The following TSHZ2 variants were observed in gnomAD, a reference collection of about 807,000 sequenced individuals.
TSHZ2 encodes teashirt homolog 2.
TSHZ2 carries 21 observed loss-of-function variants against 74.4 expected under a neutral mutation model. The ratio of observed to expected loss-of-function variants is 0.28; its 90% CI spans 0.20 to 0.41. The LOEUF is 0.41. Among genes scored for constraint, TSHZ2 ranks in the 10% least tolerant of loss-of-function variants. The probability of loss-of-function intolerance (pLI) is 1.00; values close to 1 mark genes in which losing one functional copy is unlikely to be tolerated. For synonymous variants in TSHZ2, 540 were observed against 515.3 expected (o/e 1.05, Z -0.65); for missense variants, 1,244 against 1,293.5 (o/e 0.96, Z 0.59).
intron 2 of TSHZ2, among the ~76,000 whole-genome samples, chr20:53,408,784 T>C (rs1982938437): frequency 6.6e-6 from 1 of 152,238 alleles, no homozygotes; most frequent in African/African-American, 2.4e-5. Flanking sequence ...TTAAGCTGCT[T>C]CCAAACGTAT....
Position 53,056,257 on chromosome 20 carries a change from AG to A in TSHZ2, c.40+82925del, listed in dbSNP as rs1227593447. ...GGTCCTAAGGATCCTGCTGCTTTTC[AG>A]TACTACAGGGAATATCAGGCCAAGT... On this transcript the variant is annotated intron_variant, in intron 1 of 2. Transcript: ENST00000371497. Among the ~76,000 whole-genome samples, 3 of 152,108 alleles carry A rather than the reference AG, an allele frequency of 2.0e-5. No individual in the cohort carries two copies. The East Asian group carries it at 5.8e-4, about 29-fold the overall frequency.
At chr20:53,381,237 C>G (rs59618696) in intron 2 of TSHZ2, among the ~76,000 whole-genome samples, 4,891 of 152,256 alleles carry the variant, frequency 0.032, 267 homozygotes, top group African/African-American at 0.11. Context: ...TCTTTTCACC[C>G]CCATCACTCA....
At chr20:53,124,902 T>C (rs1207728930) in intron 1 of TSHZ2, among the ~76,000 whole-genome samples, 1 of 152,200 alleles carries the variant, frequency 6.6e-6, no homozygotes, top group Non-Finnish European at 1.5e-5. Flanking sequence ...AGTAAATATT[T>C]TAGGCTTTGC....
chr20:53,286,496 C>G (rs1913878867), intron 2 of TSHZ2, among the ~76,000 whole-genome samples: 2 of 152,094 alleles, frequency 1.3e-5, no homozygotes, highest in African/African-American at 4.8e-5. Flanking sequence ...GAGGTGTCAC[C>G]TTTATTGTTT....
chr20:53,295,638 T>G (rs184906018), intron 2 of TSHZ2, among the ~76,000 whole-genome samples: 1 of 152,244 alleles, frequency 6.6e-6, no homozygotes, highest in East Asian at 1.9e-4. Flanking sequence ...TGGAAACCAG[T>G]ATAACTTAAC....
At chr20:53,278,138 C>A (rs1249891906) in intron 2 of TSHZ2, among the ~76,000 whole-genome samples, 1 of 152,188 alleles carries the variant, frequency 6.6e-6, no homozygotes, top group Non-Finnish European at 1.5e-5. Context: ...ATTAGCCTTT[C>A]TCATCATTTA....
At chr20:53,002,094 G>A (rs1982463501) in intron 1 of TSHZ2, among the ~76,000 whole-genome samples, 1 of 152,214 alleles carries the variant, frequency 6.6e-6, no homozygotes, top group South Asian at 2.1e-4. Context: ...ACAAGTGAGA[G>A]CCGGAACTTA....
At chr20:53,143,572 G>C (rs1987463325) in intron 1 of TSHZ2, among the ~76,000 whole-genome samples, 1 of 152,032 alleles carries the variant, frequency 6.6e-6, no homozygotes, top group Non-Finnish European at 1.5e-5. Flanking sequence ...GGCACCTGTA[G>C]TCCCAGCTAC....
chr20:53,142,268 C>T (rs751197222), intron 1 of TSHZ2, among the ~76,000 whole-genome samples: 23 of 152,240 alleles, frequency 1.5e-4, no homozygotes, highest in African/African-American at 5.1e-4. Context: ...CCTCCTTCCT[C>T]TGTATTAGCT....
At chr20:53,193,167 CAAAAA>C (rs11481103) in intron 1 of TSHZ2, among the ~76,000 whole-genome samples, 5 of 137,822 alleles carry the variant, frequency 3.6e-5, no homozygotes, top group African/African-American at 1.1e-4. Flanking sequence ...AAAATACTTT[CAAAAA>C]AAAAAAAAGA....
chr20:53,300,546 G>A (rs373851628), intron 2 of TSHZ2, among the ~76,000 whole-genome samples: 66 of 152,264 alleles, frequency 4.3e-4, no homozygotes, highest in South Asian at 1.4e-3. Context: ...AATCTGAAAC[G>A]TAATATTTAT....
chr20:53,260,741 A>G (rs1479233599), intron 2 of TSHZ2, among the ~76,000 whole-genome samples: 1 of 152,218 alleles, frequency 6.6e-6, no homozygotes, highest in Non-Finnish European at 1.5e-5. Flanking sequence ...TTTTCCTTAA[A>G]GCCCATAGTA....
chr20:53,018,679 C>T (rs1983126967), intron 1 of TSHZ2, among the ~76,000 whole-genome samples: 1 of 152,180 alleles, frequency 6.6e-6, no homozygotes, highest in Non-Finnish European at 1.5e-5. Context: ...TTTCCATATG[C>T]TGTGCTTCCC....
chr20:53,004,812 T>C (rs1982579107), intron 1 of TSHZ2, among the ~76,000 whole-genome samples: 2 of 152,170 alleles, frequency 1.3e-5, no homozygotes, highest in African/African-American at 4.8e-5. Context: ...CTTTCAGTGT[T>C]TACTATAAGA....
At chr20:53,237,798 T>C (rs1989974684) in intron 1 of TSHZ2, among the ~76,000 whole-genome samples, 1 of 152,178 alleles carries the variant, frequency 6.6e-6, no homozygotes, top group South Asian at 2.1e-4. Flanking sequence ...CAGTAGACTG[T>C]ACCAGCTCTA....
chr20:53,253,505 C>G lies in TSHZ2; in HGVS notation c.47C>G (p.Ala16Gly). ...QQAPKRAAGY[A>G]QEEQLKEEEE... Reference sequence around the variant, plus strand: ...TCTTCTTCTTCTCTTGCAGGCTACGCCCAGGAGGAACAGCTGAAAGAAGAG... The same window carrying G: ...TCTTCTTCTTCTCTTGCAGGCTACGGCCAGGAGGAACAGCTGAAAGAAGAG... The change falls in exon 2 of 3, where the codon GCC becomes GGC. Residue 16 changes from alanine (A) to glycine (G), a missense_variant. Around this residue, in one of 6 missense-constraint regions of TSHZ2, gnomAD observed 470 missense variants for 456.5 expected, o/e 1.03. Coordinates refer to ENST00000371497, the MANE Select transcript of TSHZ2 (RefSeq NM_173485.6). 1.9e-6 allele frequency: 3 copies of G among 1,606,260 alleles called. No homozygotes were observed. Among genetic ancestry groups the G allele is most frequent in the South Asian group, 2.2e-5 (2 of 90,036 alleles).
intron 2 of TSHZ2, among the ~76,000 whole-genome samples, chr20:53,352,584 G>A (rs1980690082): frequency 6.6e-6 from 1 of 151,864 alleles, no homozygotes; most frequent in African/African-American, 2.4e-5. Flanking sequence ...GATCAGCCTG[G>A]CCAACATGGT....
At chr20:53,079,828 T>TC (rs1189958103) in intron 1 of TSHZ2, among the ~76,000 whole-genome samples, 1 of 151,982 alleles carries the variant, frequency 6.6e-6, no homozygotes, top group African/African-American at 2.4e-5. Context: ...TTTCTGTTTT[T>TC]TTTTTCTTTT....
chr20:53,284,068 A>G (rs1991116664), intron 2 of TSHZ2, among the ~76,000 whole-genome samples: 1 of 152,226 alleles, frequency 6.6e-6, no homozygotes, highest in South Asian at 2.1e-4. Flanking sequence ...TCCTGACCAA[A>G]TGCCCGGCAG....
Sources: gnomAD v4.1 joint callset for allele counts (sites outside exome capture counted in the v4.1 genomes callset) on GRCh38, gnomAD v4.1.1 for gene constraint, gnomAD v4.1.1 regional missense constraint, MANE v1.5 for transcripts, NCBI Gene and HGNC (gene_info 2026-07-23, HGNC 2026-07-21) for gene names.